Variants in SLCO3A1 observed in about 807,000 individuals in gnomAD.
SLCO3A1 encodes the protein solute carrier organic anion transporter family member 3A1, also known as PGE1 transporter.
In SLCO3A1, 27 loss-of-function variants were observed where a neutral mutation model predicts 63.1. The observed-to-expected ratio is 0.43, with a 90% CI of 0.32 to 0.59. The LOEUF (loss-of-function observed/expected upper bound fraction) is 0.59, where lower values mean the gene tolerates loss of function less well. SLCO3A1 is among the 20% of genes least tolerant of loss of function. The probability of loss-of-function intolerance (pLI) is 0.09; values close to 1 mark genes in which losing one functional copy is unlikely to be tolerated. For synonymous variants in SLCO3A1, 473 were observed against 409.9 expected, an observed-to-expected ratio of 1.15 and a Z score of -1.86; for missense variants, 773 against 945.8, an observed-to-expected ratio of 0.82 and a Z score of 2.40.
At chr15:91,899,771 C>T (rs934625694) in intron 1 of SLCO3A1, among the ~76,000 whole-genome samples, 5 of 152,144 alleles carry the variant, frequency 3.3e-5, no homozygotes, top group Admixed American at 2.6e-4. Flanking sequence ...AAGTTCCTGC[C>T]CCATCTCCAT....
intron 2 of SLCO3A1, among the ~76,000 whole-genome samples, chr15:92,032,183 A>G (rs1213100665): frequency 6.6e-6 from 1 of 152,178 alleles, no homozygotes; most frequent in East Asian, 1.9e-4. Flanking sequence ...TCTCTAAGAA[A>G]AGGCTGGCAT....
intron 2 of SLCO3A1, among the ~76,000 whole-genome samples, chr15:91,929,451 G>T (rs940954273): frequency 1.8e-4 from 28 of 152,232 alleles, no homozygotes; most frequent in Admixed American, 1.8e-3. Flanking sequence ...CGTGTTCCAT[G>T]TTGGAGCATT....
At chr15:92,122,162 G>A (rs1025992475) in intron 5 of SLCO3A1, among the ~76,000 whole-genome samples, 2 of 152,170 alleles carry the variant, frequency 1.3e-5, no homozygotes, top group African/African-American at 4.8e-5. Context: ...CAGAGAGAGG[G>A]AATGTGGTGG....
At chr15:91,964,229 T>C (rs752747942) in intron 2 of SLCO3A1, among the ~76,000 whole-genome samples, 2 of 152,212 alleles carry the variant, frequency 1.3e-5, no homozygotes, top group African/African-American at 2.4e-5. Flanking sequence ...AATGTTCCAT[T>C]AATCACAAGA....
intron 7 of SLCO3A1, among the ~76,000 whole-genome samples, chr15:92,142,832 C>T (rs1001359621): frequency 6.6e-6 from 1 of 152,090 alleles, no homozygotes; most frequent in South Asian, 2.1e-4. Context: ...GGATTTAACA[C>T]TTTTTAGGGC....
At chr15:91,969,617 A>G (rs1900785334) in intron 2 of SLCO3A1, among the ~76,000 whole-genome samples, 1 of 152,096 alleles carries the variant, frequency 6.6e-6, no homozygotes, top group Non-Finnish European at 1.5e-5. Context: ...TCTTGTTACA[A>G]TTATTGTTGT....
chr15:91,922,196 G>GCACACACACACACA (rs71156620), intron 2 of SLCO3A1, among the ~76,000 whole-genome samples: 10,150 of 151,384 alleles, frequency 0.067, 456 homozygotes, highest in Non-Finnish European at 0.1. Flanking sequence ...GCGCGTGCAC[G>GCACACACACACACA]CACACACACA....
chr15:91,968,013 C>G lies in SLCO3A1; in HGVS notation c.646+51555C>G. On this transcript the variant is annotated intron_variant, in intron 2 of 9. Coordinates refer to ENST00000318445, the MANE Select transcript of SLCO3A1 (RefSeq NM_013272.4). The surrounding 1 kb of genome is among the most constrained non-coding windows in gnomAD (Gnocchi z 4.2). The stretch of plus-strand genomic sequence containing the variant: ...GAAATGTCCCTATCTTCCTTCCCTT[C>G]TGATTGCCTTACTTGTTCAGATGCT... Among the ~76,000 whole-genome samples the G allele has an allele frequency of 6.6e-6, 1 of 152,098 alleles. No individual in the cohort carries two copies. The highest frequency in any genetic ancestry group is 1.9e-4 in the East Asian group (1 of 5,170).
intron 5 of SLCO3A1, among the ~76,000 whole-genome samples, chr15:92,125,071 T>C (rs1362730120): frequency 6.6e-6 from 1 of 152,216 alleles, no homozygotes; most frequent in African/African-American, 2.4e-5. Flanking sequence ...AAGTATGACT[T>C]GTGCTGTTTT....
chr15:91,911,977 AT>A lies in SLCO3A1; in HGVS notation c.181-4004del, dbSNP rs542970276. On this transcript the variant is annotated intron_variant, in intron 1 of 9. Coordinates refer to ENST00000318445, the MANE Select transcript of SLCO3A1 (RefSeq NM_013272.4). ...CCAGGACATTCTGAAATGCAAGCTGATTTTTTTTTTTTGAATAATCATTGTA... is the reference window on the plus strand; with the variant it reads ...CCAGGACATTCTGAAATGCAAGCTGATTTTTTTTTTTGAATAATCATTGTA... 6.8e-3 allele frequency among the ~76,000 whole-genome samples: 1,011 copies of A among 147,738 alleles called. 9 individuals carry two copies. The highest frequency in any genetic ancestry group is 0.035 in the East Asian group (179 of 5,072).
downstream of SLCO3A1, among the ~76,000 whole-genome samples, chr15:92,167,498 C>T (rs1042973423): frequency 2.6e-5 from 4 of 152,188 alleles, no homozygotes; most frequent in African/African-American, 7.2e-5. Flanking sequence ...TTTTATTACA[C>T]CTGCTCCGCC....
chr15:91,866,584 A>G (rs1423815346), intron 1 of SLCO3A1, among the ~76,000 whole-genome samples: 7 of 150,522 alleles, frequency 4.7e-5, no homozygotes, highest in South Asian at 2.1e-4. Context: ...TTAAAAAAAA[A>G]AAAAAAAGAA....
intron 2 of SLCO3A1, among the ~76,000 whole-genome samples, chr15:91,994,675 G>C (rs1246317450): frequency 6.6e-6 from 1 of 150,778 alleles, no homozygotes; most frequent in East Asian, 1.9e-4. Context: ...TCACTTATTG[G>C]AGCTTCTGTA....
intron 8 of SLCO3A1, among the ~76,000 whole-genome samples, chr15:92,148,294 G>C (rs768826110): frequency 6.6e-5 from 10 of 152,182 alleles, no homozygotes; most frequent in African/African-American, 9.7e-5. Flanking sequence ...GGAAATAAAA[G>C]TAGGAATGAA....
intron 1 of SLCO3A1, among the ~76,000 whole-genome samples, chr15:91,879,254 A>G (rs1166795792): frequency 6.6e-6 from 1 of 151,586 alleles, no homozygotes; most frequent in African/African-American, 2.4e-5. Flanking sequence ...TACGTTTTGC[A>G]CACCACTTAC....
intron 7 of SLCO3A1, among the ~76,000 whole-genome samples, chr15:92,130,687 C>T (rs2047981918): frequency 6.6e-6 from 1 of 152,142 alleles, no homozygotes; most frequent in Admixed American, 6.5e-5. Flanking sequence ...CCGTGTGTCA[C>T]TCGTGACCCA....
intron 2 of SLCO3A1, among the ~76,000 whole-genome samples, chr15:92,006,329 C>T (rs2046312582): frequency 6.6e-6 from 1 of 152,168 alleles, no homozygotes; most frequent in African/African-American, 2.4e-5. Flanking sequence ...AGATCCATGA[C>T]ATAAGCTACA....
At chr15:91,993,028 A>T (rs368691732) in intron 2 of SLCO3A1, among the ~76,000 whole-genome samples, 10 of 152,338 alleles carry the variant, frequency 6.6e-5, no homozygotes, top group African/African-American at 1.7e-4. Flanking sequence ...TTAAGTCATT[A>T]GGTACAACCT....
At position 91,885,091 on chromosome 15, in the gene SLCO3A1, G is replaced by A. The variant is rs1897690323; in HGVS notation, c.181-30902G>A. On this transcript the variant is annotated intron_variant, in intron 1 of 9. Coordinates refer to ENST00000318445, the MANE Select transcript of SLCO3A1 (RefSeq NM_013272.4). This position sits in a 1 kb window ranked among gnomAD's most constrained non-coding sequence, Gnocchi z 4.7. ...AAAAAGCCTTTCCGTCCCATATAGG[G>A]ACACAGAAAGGAGGTGATGGGGGTG... 6.6e-6 allele frequency among the ~76,000 whole-genome samples: 1 copy of A among 152,148 alleles called. No homozygotes were observed. The highest frequency in any genetic ancestry group is 2.4e-5 in the African/African-American group (1 of 41,432).
Sources: allele counts gnomAD v4.1 joint callset (sites outside exome capture counted in the v4.1 genomes callset), GRCh38; gene constraint gnomAD v4.1.1; non-coding constraint Gnocchi (gnomAD v3.1); transcripts MANE v1.5; gene names NCBI Gene and HGNC (gene_info 2026-07-23, HGNC 2026-07-21).